MRTFB: variants seen among roughly 807,000 people sequenced by gnomAD.
MRTFB encodes the protein myocardin related transcription factor B.
In MRTFB, 29 loss-of-function variants were observed where a neutral mutation model predicts 104.2. The observed-to-expected ratio is 0.28, with a 90% CI of 0.21 to 0.38. MRTFB has a LOEUF of 0.38. MRTFB is among the 10% of genes least tolerant of loss of function. The pLI, the probability that MRTFB is intolerant of heterozygous loss-of-function variation, is 1.00. For synonymous variants in MRTFB, 535 were observed against 519.5 expected, an observed-to-expected ratio of 1.03 and a Z score of -0.41; for missense variants, 1,270 against 1,341.6, an observed-to-expected ratio of 0.95 and a Z score of 0.83.
intron 3 of MRTFB, among the ~76,000 whole-genome samples, chr16:14,203,183 G>A (rs2040787286): frequency 6.7e-6 from 1 of 150,204 alleles, no homozygotes; most frequent in Admixed American, 6.6e-5. Context: ...AGTTTATTCT[G>A]TCCATTGTCC....
rs181335688 is a variant in MRTFB, at chr16:14,244,125, G to A, written c.1080-1403G>A. Among the ~76,000 whole-genome samples the A allele has an allele frequency of 7.9e-5, 12 of 152,152 alleles. 1 individual carries two copies. The South Asian group carries it at 1.0e-3, about 13-fold the overall frequency. On this transcript the variant is annotated intron_variant, in intron 10 of 16. Coordinates refer to ENST00000571589, the MANE Select transcript of MRTFB (RefSeq NM_001308142.2). ...GATCTCCTGACCTCATGATCTGCCC[G>A]CTTCAGCCTCCCAAAGTGCAGTTTT...
At chr16:14,142,500 G>A (rs530666807) in intron 3 of MRTFB, 2 of 151,908 alleles carry the variant, frequency 1.3e-5, no homozygotes, top group Non-Finnish European at 1.5e-5. Flanking sequence ...CACCTACGTC[G>A]GCCTCCCAAA....
the MRTFB span, among the ~76,000 whole-genome samples, chr16:13,995,104 A>T: frequency 6.6e-6 from 1 of 152,198 alleles, no homozygotes. Flanking sequence ...ATGATTGACA[A>T]AGACTGAATA....
chr16:14,245,169 T>C (rs1347896283), intron 10 of MRTFB, among the ~76,000 whole-genome samples: 2 of 152,240 alleles, frequency 1.3e-5, no homozygotes, highest in African/African-American at 4.8e-5. Flanking sequence ...TGGGGCTCTC[T>C]CATTTGCCTG....
At chr16:14,054,247 C>T in the MRTFB span, among the ~76,000 whole-genome samples, 16 of 152,076 alleles carry the variant, frequency 1.1e-4, no homozygotes, top group East Asian at 3.9e-4. Flanking sequence ...GATGGAGTCT[C>T]GCTGTGTCAC....
At chr16:14,113,809 T>C (rs1374280409) in intron 2 of MRTFB, among the ~76,000 whole-genome samples, 2 of 152,218 alleles carry the variant, frequency 1.3e-5, no homozygotes, top group Admixed American at 6.5e-5. Context: ...GTAGCAGTTA[T>C]GAGGTGTTGC....
chr16:14,001,377 C>T, the MRTFB span, among the ~76,000 whole-genome samples: 11 of 152,184 alleles, frequency 7.2e-5, no homozygotes, highest in Admixed American at 2.6e-4. Context: ...CTGGCATCTC[C>T]CCTTCTTGGG....
the MRTFB span, chr16:14,019,023 G>T: frequency 1.3e-5 from 2 of 152,154 alleles, no homozygotes; most frequent in African/African-American, 4.8e-5. Flanking sequence ...AGAGCCCCAA[G>T]TGGCGGGGTG....
chr16:14,051,197 G>C, the MRTFB span, among the ~76,000 whole-genome samples: 48,920 of 151,536 alleles, frequency 0.32, 11,073 homozygotes, highest in African/African-American at 0.65. Flanking sequence ...CATTCACAGA[G>C]ACAGACACAG....
chr16:14,248,448 A>C (rs1254618234), intron 12 of MRTFB: 1 of 152,462 alleles, frequency 6.6e-6, no homozygotes, highest in East Asian at 1.9e-4. Flanking sequence ...TTTTGGTCCA[A>C]ATCTTCCATT....
At chr16:14,038,206 C>G in the MRTFB span, among the ~76,000 whole-genome samples, 179 of 152,234 alleles carry the variant, frequency 1.2e-3, 1 homozygote, top group African/African-American at 4.0e-3. Flanking sequence ...GGTCTTCCCT[C>G]TGTGTGTGTC....
intron 3 of MRTFB, among the ~76,000 whole-genome samples, chr16:14,205,983 T>C (rs182144345): frequency 3.3e-5 from 5 of 152,284 alleles, no homozygotes; most frequent in African/African-American, 4.8e-5. Context: ...GCTACAGATA[T>C]GAAATCTTGT....
At chr16:14,108,671 T>A (rs1467880173) in intron 2 of MRTFB, among the ~76,000 whole-genome samples, 2 of 152,220 alleles carry the variant, frequency 1.3e-5, no homozygotes, top group African/African-American at 4.8e-5. Context: ...ATGCATTTTA[T>A]TTTTATTTTT....
At chr16:14,140,054 G>T (rs1379917088) in intron 2 of MRTFB, among the ~76,000 whole-genome samples, 2 of 152,214 alleles carry the variant, frequency 1.3e-5, no homozygotes, top group Admixed American at 6.5e-5. Context: ...TATGTCCATT[G>T]TGGGTTAGCT....
At chr16:14,164,794 G>A (rs2039171045) in intron 3 of MRTFB, among the ~76,000 whole-genome samples, 1 of 152,134 alleles carries the variant, frequency 6.6e-6, no homozygotes, top group South Asian at 2.1e-4. Context: ...TTACGTGGCT[G>A]GAAGTGGCAG....
At chr16:14,246,225 A>G (rs2043009155) in intron 11 of MRTFB, among the ~76,000 whole-genome samples, 1 of 152,198 alleles carries the variant, frequency 6.6e-6, no homozygotes, top group Non-Finnish European at 1.5e-5. Context: ...TCCTGGTAGT[A>G]TCTCTCTGCT....
chr16:14,261,633 C>T lies in MRTFB; in HGVS notation c.*189C>T, dbSNP rs2043782870. 3.3e-6 allele frequency: 2 copies of T among 601,856 alleles called. No individual in the cohort carries two copies. Among genetic ancestry groups the T allele is most frequent in the African/African-American group, 3.7e-5 (2 of 54,086 alleles). 37.3% of individuals were successfully genotyped at this position (601,856 alleles called of 1,614,324 possible). A position where few individuals can be genotyped will look rare whatever the true frequency, so the allele number is the denominator to read the frequency against. ...TTTCATTGTGTTCAGTAGTGAATTT[C>T]TACAGTTTAACATAGCACAGGGCCT... On this transcript the variant is annotated 3_prime_UTR_variant, in exon 17 of 17. Coordinates refer to ENST00000571589, the MANE Select transcript of MRTFB (RefSeq NM_001308142.2).
the MRTFB span, among the ~76,000 whole-genome samples, chr16:14,019,881 G>A: frequency 6.6e-6 from 1 of 152,144 alleles, no homozygotes; most frequent in South Asian, 2.1e-4. Context: ...GGAGTAAGAT[G>A]GGACAAATAG....
the MRTFB span, among the ~76,000 whole-genome samples, chr16:14,015,387 C>G: frequency 1.3e-5 from 2 of 152,198 alleles, no homozygotes; most frequent in Non-Finnish European, 2.9e-5. Flanking sequence ...GTCCTACCTC[C>G]TCATCTCTTC....
Sources: gnomAD v4.1 joint callset for allele counts (sites outside exome capture counted in the v4.1 genomes callset) on GRCh38, gnomAD v4.1.1 for gene constraint, MANE v1.5 for transcripts, NCBI Gene and HGNC (gene_info 2026-07-23, HGNC 2026-07-21) for gene names.